Variants in WDR17 observed in about 807,000 individuals in gnomAD.
The protein encoded by WDR17 is WD repeat domain 17, also known as WD repeat-containing protein 17.
WDR17 carries 143 observed loss-of-function variants against 161.7 expected under a neutral mutation model. The ratio of observed to expected loss-of-function variants is 0.88; its 90% CI spans 0.77 to 1.02. WDR17 has a LOEUF of 1.02. Ranked by LOEUF, WDR17 falls within the 50% of genes least tolerant of loss-of-function variation. The pLI, the probability that WDR17 is intolerant of heterozygous loss-of-function variation, is 0.00. For synonymous variants in WDR17, 517 were observed against 515.6 expected, an observed-to-expected ratio of 1.00 and a Z score of -0.04; for missense variants, 1,469 against 1,520.9, an observed-to-expected ratio of 0.97 and a Z score of 0.57.
rs939323967 is a variant in WDR17, at chr4:176,066,015, C to G, written c.-71C>G. 1 of 152,220 alleles carries G rather than the reference C, an allele frequency of 6.6e-6. No individual in the cohort carries two copies. Among genetic ancestry groups the G allele is most frequent in the Non-Finnish European group, 1.5e-5 (1 of 67,996 alleles). 9.4% of individuals were successfully genotyped at this position (152,220 alleles called of 1,614,324 possible). On this transcript the variant is annotated 5_prime_UTR_variant, in exon 1 of 29. Transcript: ENST00000508596. ...GTCCGCGCGTTGGTGGTGCTCGCCT[C>G]GCAGCTGCGCCCGCCGGCTTCAGCA...
intron 6 of WDR17, among the ~76,000 whole-genome samples, chr4:176,130,548 TC>T (rs1561147140): frequency 1.3e-5 from 2 of 151,836 alleles, no homozygotes; most frequent in African/African-American, 2.4e-5. Flanking sequence ...ATCGAGACCA[TC>T]CTGGCTAACA....
intron 23 of WDR17, among the ~76,000 whole-genome samples, chr4:176,171,417 G>A (rs569577478): frequency 6.6e-6 from 1 of 152,076 alleles, no homozygotes; most frequent in South Asian, 2.1e-4. Context: ...GTAAATAACT[G>A]GCATTTCATG....
At position 176,142,184 on chromosome 4, in the gene WDR17, C is replaced by A. The variant is rs1215395786; in HGVS notation, c.1529+115C>A. The stretch of plus-strand genomic sequence containing the variant: ...ATCTATCACTCTATTTATACAATAT[C>A]CCCTTTGCCTAGCAAATGAGAAACA... On this transcript the variant is annotated intron_variant, in intron 11 of 28. Coordinates refer to ENST00000508596, the MANE Select transcript of WDR17 (RefSeq NM_181265.4). The A allele has an allele frequency of 6.0e-6, 4 of 662,170 alleles. No homozygotes were observed. The Admixed American group carries it at 8.7e-5, about 14-fold the overall frequency. The allele number at this position is 662,170 out of a possible 1,614,324, so 41.0% of individuals were successfully genotyped here. A position where few individuals can be genotyped will look rare whatever the true frequency, so the allele number is the denominator to read the frequency against.
In WDR17 at chr4:176,177,170, A is replaced by T; in HGVS notation, c.3548+14A>T. Reference sequence around the variant, plus strand: ...GTCCACCAACAGGTGAGCAAATATGATATAAAAATTGGAATGCAGAAGGTA... The same window carrying T: ...GTCCACCAACAGGTGAGCAAATATGTTATAAAAATTGGAATGCAGAAGGTA... On this transcript the variant is annotated intron_variant, in intron 27 of 28. Transcript: ENST00000508596. The T allele has an allele frequency of 6.2e-7, 1 of 1,605,870 alleles. No individual in the cohort carries two copies. The highest frequency in any genetic ancestry group is 8.5e-7 in the Non-Finnish European group (1 of 1,173,210).
chr4:176,171,181 A>G (rs1750680324), intron 23 of WDR17, among the ~76,000 whole-genome samples: 1 of 152,258 alleles, frequency 6.6e-6, no homozygotes, highest in Admixed American at 6.5e-5. Context: ...CTGTAACACT[A>G]AAAACTATAT....
intron 22 of WDR17, among the ~76,000 whole-genome samples, chr4:176,167,259 C>T (rs1441105991): frequency 6.6e-6 from 1 of 152,118 alleles, no homozygotes; most frequent in Non-Finnish European, 1.5e-5. Context: ...GTTTTACTCC[C>T]AGAGGCCCCA....
chr4:176,099,239 T>C (rs965124210), intron 1 of WDR17, among the ~76,000 whole-genome samples: 2 of 152,134 alleles, frequency 1.3e-5, no homozygotes, highest in African/African-American at 4.8e-5. Flanking sequence ...GGCAAATCAC[T>C]GCCCTCAAAA....
intron 8 of WDR17, 182 bp downstream of exon 8, chr4:176,135,458 C>T: frequency 1.6e-6 from 1 of 643,914 alleles, no homozygotes; most frequent in Non-Finnish European, 2.6e-6. Context: ...TCTGCAGAGG[C>T]ACTTTGATTC....
rs140379247 is a variant in WDR17, at chr4:176,080,242, A to T, written c.-7+14163A>T. 1.5e-3 allele frequency among the ~76,000 whole-genome samples: 231 copies of T among 152,008 alleles called. 1 individual carries two copies. Among genetic ancestry groups the T allele is most frequent in the East Asian group, 0.014 (70 of 5,174 alleles). On this transcript the variant is annotated intron_variant, in intron 1 of 28. Transcript: ENST00000508596. ...AAATTTGAGAATCTATTTAAAATCC[A>T]TGTGGGGATGTTAAGCAGGAAATTA...
At chr4:176,108,742 T>C (rs954580488) in intron 1 of WDR17, among the ~76,000 whole-genome samples, 5 of 152,148 alleles carry the variant, frequency 3.3e-5, no homozygotes, top group African/African-American at 1.2e-4. Flanking sequence ...GAATTGTTAA[T>C]TATTAAAAAT....
intron 1 of WDR17, among the ~76,000 whole-genome samples, chr4:176,107,971 T>TCCTC (rs1739058057): frequency 6.6e-6 from 1 of 150,378 alleles, no homozygotes; most frequent in African/African-American, 2.5e-5. Context: ...GTCCCTTCCT[T>TCCTC]CCTTCCTTCT....
intron 1 of WDR17, among the ~76,000 whole-genome samples, chr4:176,094,774 A>C (rs1236082826): frequency 6.6e-6 from 1 of 152,182 alleles, no homozygotes; most frequent in African/African-American, 2.4e-5. Context: ...GGAGGAGATG[A>C]GGTTGATGGA....
chr4:176,094,898 CT>C (rs1736621771), intron 1 of WDR17, among the ~76,000 whole-genome samples: 1 of 151,942 alleles, frequency 6.6e-6, no homozygotes, highest in South Asian at 2.1e-4. Context: ...AAAGGAAAAC[CT>C]TACTTGAAAG....
At chr4:176,133,119 G>A (rs572738358) in intron 7 of WDR17, among the ~76,000 whole-genome samples, 3 of 146,996 alleles carry the variant, frequency 2.0e-5, no homozygotes, top group Non-Finnish European at 4.5e-5. Context: ...ATACTAACAT[G>A]AATCACACAT....
At chr4:176,084,963 G>A (rs1373324526) in intron 1 of WDR17, among the ~76,000 whole-genome samples, 1 of 151,488 alleles carries the variant, frequency 6.6e-6, no homozygotes, top group African/African-American at 2.4e-5. Flanking sequence ...GTCAGTTTGT[G>A]TATCTTTGCG....
intron 1 of WDR17, among the ~76,000 whole-genome samples, chr4:176,073,492 T>C (rs1475134552): frequency 6.6e-6 from 1 of 151,786 alleles, no homozygotes; most frequent in Admixed American, 6.6e-5. Flanking sequence ...ATTTTCTTAA[T>C]CCAGTCTATC....
At chr4:176,084,892 T>C (rs12641442) in intron 1 of WDR17, among the ~76,000 whole-genome samples, 54,630 of 150,346 alleles carry the variant, frequency 0.36, 10,218 homozygotes, top group East Asian at 0.43. Flanking sequence ...ATTATCACCT[T>C]CACCATAAAT....
At chr4:176,131,779 T>C in intron 7 of WDR17, 41 bp downstream of exon 7, 2 of 1,412,012 alleles carry the variant, frequency 1.4e-6, no homozygotes, top group Non-Finnish European at 1.9e-6. Context: ...TAATAGTTTT[T>C]TGTGTAAACC....
rs763300974 is a variant in WDR17 at position 176,137,522 on chromosome 4, G to A, written c.1270G>A (p.Gly424Ser). 54 of 1,601,274 alleles carry A rather than the reference G, an allele frequency of 3.4e-5. No homozygotes were observed. The highest frequency in any genetic ancestry group is 2.5e-4 in the Admixed American group (15 of 59,518). The change falls in exon 9 of 29, where the codon GGT becomes AGT. Residue 424 changes from glycine (G) to serine (S), a missense_variant and splice_region_variant. Coordinates refer to ENST00000508596, the MANE Select transcript of WDR17 (RefSeq NM_181265.4). ...TGTCTAACAAATTGTTTCCTAAGGT[G>A]GTTTAAATTGTATTGCTGGGGGAAC... Reference protein sequence around the residue: ...VIYSLSWAPGGLNCIAGGTSR... With the variant: ...VIYSLSWAPGSLNCIAGGTSR...
Sources: allele counts gnomAD v4.1 joint callset (sites outside exome capture counted in the v4.1 genomes callset), GRCh38; gene constraint gnomAD v4.1.1; transcripts MANE v1.5; gene names NCBI Gene and HGNC (gene_info 2026-07-23, HGNC 2026-07-21).